Variants in ZCCHC7 observed in about 807,000 individuals in gnomAD.
The protein encoded by ZCCHC7 is zinc finger CCHC-type containing 7.
In ZCCHC7, 35 loss-of-function variants were observed where a neutral mutation model predicts 52.0. The observed-to-expected ratio is 0.67, with a 90% confidence interval of 0.51 to 0.89. The LOEUF (loss-of-function observed/expected upper bound fraction) is 0.89, where lower values mean the gene tolerates loss of function less well. Ranked by LOEUF, ZCCHC7 falls within the 40% of genes least tolerant of loss-of-function variation. The pLI is 0.00. For synonymous variants in ZCCHC7, 217 were observed against 221.5 expected, an observed-to-expected ratio of 0.98 and a Z score of 0.18; for missense variants, 574 against 649.1, an observed-to-expected ratio of 0.88 and a Z score of 1.26.
intron 2 of ZCCHC7, among the ~76,000 whole-genome samples, chr9:37,292,618 A>C (rs969354314): frequency 6.6e-6 from 1 of 152,192 alleles, no homozygotes; most frequent in Non-Finnish European, 1.5e-5. Flanking sequence ...CCATTAAAAA[A>C]AAACAGAATG....
intron 2 of ZCCHC7, among the ~76,000 whole-genome samples, chr9:37,228,107 T>C (rs936110511): frequency 6.6e-6 from 1 of 152,202 alleles, no homozygotes. Flanking sequence ...TCTAATTCTT[T>C]ATACTAAGTT....
intron 2 of ZCCHC7, among the ~76,000 whole-genome samples, chr9:37,200,630 G>C (rs763900930): frequency 6.6e-6 from 1 of 152,208 alleles, no homozygotes; most frequent in African/African-American, 2.4e-5. Flanking sequence ...AGAAGCCTTG[G>C]TGGTGAGGGT....
intron 5 of ZCCHC7, among the ~76,000 whole-genome samples, chr9:37,306,762 CTTTTTTTTTTTTTTTTTTTTTTTT>C (rs869292704): frequency 9.2e-4 from 48 of 52,030 alleles, no homozygotes; most frequent in African/African-American, 1.3e-3. Flanking sequence ...TGTACCCGAC[CTTTTTTTTTTTTTTTTTTTTTTTT>C]TTTTTTTTTT....
At chr9:37,196,641 TGTA>T (rs1265150013) in intron 2 of ZCCHC7, among the ~76,000 whole-genome samples, 1 of 152,188 alleles carries the variant, frequency 6.6e-6, no homozygotes, top group Non-Finnish European at 1.5e-5. Context: ...TAAAACTTAA[TGTA>T]GTAATCAGAT....
At position 37,126,451 on chromosome 9, in the gene ZCCHC7, A is replaced by G. The variant is rs142753615; in HGVS notation, c.119A>G (p.His40Arg). The G allele has an allele frequency of 3.0e-5, 49 of 1,613,728 alleles. No individual in the cohort carries two copies. Among genetic ancestry groups the G allele is most frequent in the East Asian group, 4.5e-5 (2 of 44,882 alleles). ...EVEFQLYSQIHYAQDLDDVIR... is the reference protein window; with the variant it reads ...EVEFQLYSQIRYAQDLDDVIR... ...GAATTTCAACTCTATAGCCAAATTCATTATGCCCAAGATCTTGATGATGTC... is the reference window on the plus strand; with the variant it reads ...GAATTTCAACTCTATAGCCAAATTCGTTATGCCCAAGATCTTGATGATGTC... Residue 40 changes from histidine to arginine, a missense_variant, in exon 2 of 9, where the codon CAT becomes CGT. This residue lies in a region of ZCCHC7 where 403 missense variants were observed against 461.2 expected (regional missense o/e 0.87). Coordinates refer to ENST00000336755, the MANE Select transcript of ZCCHC7 (RefSeq NM_032226.3).
rs79446277 is a variant in ZCCHC7 at position 37,305,088 on chromosome 9, A to T, written c.781-456A>T. On this transcript the variant is annotated intron_variant, in intron 4 of 8. Transcript: ENST00000336755. ...AAGATCTTAGACGTTTCCTGACCAG[A>T]TAATTAGCTCTTAACAAACATTTCT... is the stretch of plus-strand genomic sequence containing the variant. Among the ~76,000 whole-genome samples the T allele has an allele frequency of 6.3e-3, 962 of 152,332 alleles. 4 individuals carry two copies. Among genetic ancestry groups the T allele is most frequent in the African/African-American group, 0.022 (902 of 41,564 alleles).
intron 2 of ZCCHC7, among the ~76,000 whole-genome samples, chr9:37,183,199 T>G (rs1035807217): frequency 6.6e-6 from 1 of 152,238 alleles, no homozygotes; most frequent in Non-Finnish European, 1.5e-5. Context: ...GTTCATGTGC[T>G]TGAAATTAGA....
chr9:37,120,654 C>T, intron 1 of ZCCHC7, 31 bp downstream of exon 1: 1 of 392,002 alleles, frequency 2.6e-6, no homozygotes, highest in Non-Finnish European at 4.5e-6. Flanking sequence ...CCCCCGCCGC[C>T]CGCGGCTCGG....
intron 2 of ZCCHC7, among the ~76,000 whole-genome samples, chr9:37,291,967 A>G (rs1362453265): frequency 1.3e-5 from 2 of 152,220 alleles, no homozygotes; most frequent in Admixed American, 1.3e-4. Flanking sequence ...TGCTGGGATT[A>G]CAGGCGTGAG....
chr9:37,202,589 C>A (rs1823691720), intron 2 of ZCCHC7, among the ~76,000 whole-genome samples: 1 of 152,156 alleles, frequency 6.6e-6, no homozygotes, highest in South Asian at 2.1e-4. Flanking sequence ...TCAAGTGATC[C>A]TCCTGCCTCA....
At chr9:37,176,136 C>T (rs186530114) in intron 2 of ZCCHC7, among the ~76,000 whole-genome samples, 1,633 of 152,196 alleles carry the variant, frequency 0.011, 23 homozygotes, top group Non-Finnish European at 0.019. Flanking sequence ...TCCAGTGGCT[C>T]GATCTTGGCT....
intron 2 of ZCCHC7, among the ~76,000 whole-genome samples, chr9:37,241,474 C>CA (rs571075290): frequency 9.6e-4 from 145 of 151,646 alleles, no homozygotes; most frequent in African/African-American, 3.4e-3. Flanking sequence ...ACATACTCAG[C>CA]AAAAAAGATA....
intron 2 of ZCCHC7, among the ~76,000 whole-genome samples, chr9:37,176,315 C>T (rs1050205316): frequency 3.9e-5 from 6 of 152,218 alleles, no homozygotes; most frequent in East Asian, 1.9e-4. Flanking sequence ...CCTCGTGATC[C>T]GCCTGCCTCG....
At chr9:37,129,944 G>A (rs1412647263) in intron 2 of ZCCHC7, among the ~76,000 whole-genome samples, 1 of 152,166 alleles carries the variant, frequency 6.6e-6, no homozygotes, top group Non-Finnish European at 1.5e-5. Context: ...AGTGGTAAAA[G>A]ACTTAAGTTT....
intron 7 of ZCCHC7, among the ~76,000 whole-genome samples, chr9:37,351,887 A>G (rs1203439681): frequency 6.6e-6 from 1 of 152,250 alleles, no homozygotes; most frequent in African/African-American, 2.4e-5. Context: ...ATATATTAAA[A>G]GCATGTGGAA....
intron 2 of ZCCHC7, among the ~76,000 whole-genome samples, chr9:37,268,648 G>T (rs1005578820): frequency 1.3e-5 from 2 of 152,036 alleles, no homozygotes; most frequent in African/African-American, 4.8e-5. Context: ...GGATGGTCTC[G>T]ATCTCCTGAA....
At chr9:37,297,910 G>A (rs1227307459) in intron 2 of ZCCHC7, among the ~76,000 whole-genome samples, 1 of 152,186 alleles carries the variant, frequency 6.6e-6, no homozygotes, top group Non-Finnish European at 1.5e-5. Context: ...CTAAAGCTTG[G>A]GGTGAACTAG....
At chr9:37,309,882 A>G (rs1829511598) in intron 5 of ZCCHC7, among the ~76,000 whole-genome samples, 1 of 150,836 alleles carries the variant, frequency 6.6e-6, no homozygotes, top group South Asian at 2.1e-4. Flanking sequence ...AGATTGCACC[A>G]CTGAACTCCA....
chr9:37,337,095 T>C (rs545286239), intron 6 of ZCCHC7, among the ~76,000 whole-genome samples: 1 of 152,282 alleles, frequency 6.6e-6, no homozygotes, highest in South Asian at 2.1e-4. Flanking sequence ...TTCTGATGGG[T>C]GCCGATAAGC....
Sources: allele counts gnomAD v4.1 joint callset (sites outside exome capture counted in the v4.1 genomes callset), GRCh38; gene constraint gnomAD v4.1.1; regional missense constraint gnomAD v4.1.1; transcripts MANE v1.5; gene names NCBI Gene and HGNC (gene_info 2026-07-23, HGNC 2026-07-21).